ARL15: variants seen among roughly 807,000 people sequenced by gnomAD.
ARL15 encodes ARF like GTPase 15.
Under a neutral mutation model 25.2 loss-of-function variants are expected in ARL15, and 19 were observed. The ratio of observed to expected loss-of-function variants is 0.75; its 90% CI spans 0.53 to 1.10. The LOEUF (loss-of-function observed/expected upper bound fraction) is 1.10. ARL15 is among the 50% of genes least tolerant of loss of function. ARL15 has a pLI of 0.00. For missense variants in ARL15, 220 were observed against 246.0 expected (o/e 0.89, Z 0.71); for synonymous variants, 94 against 86.8 (o/e 1.08, Z -0.46).
intron 1 of ARL15, 52 bp downstream of exon 1, chr5:54,310,380 T>C: frequency 6.3e-7 from 1 of 1,578,788 alleles, no homozygotes; most frequent in South Asian, 1.2e-5. Context: ...CAGGGGGCCA[T>C]CGGGCACGCC....
intron 4 of ARL15, among the ~76,000 whole-genome samples, chr5:53,909,346 T>C (rs2111972088): frequency 6.6e-6 from 1 of 152,324 alleles, no homozygotes; most frequent in Non-Finnish European, 1.5e-5. Flanking sequence ...TCTTTATGTA[T>C]TTCTGAATAA....
At chr5:53,942,401 G>C (rs965848747) in intron 4 of ARL15, among the ~76,000 whole-genome samples, 7 of 152,154 alleles carry the variant, frequency 4.6e-5, no homozygotes, top group Non-Finnish European at 8.8e-5. Flanking sequence ...GCTTTGGCTA[G>C]AGATTTAAAT....
intron 4 of ARL15, among the ~76,000 whole-genome samples, chr5:53,961,612 C>T (rs1490886553): frequency 6.6e-6 from 1 of 151,822 alleles, no homozygotes; most frequent in African/African-American, 2.4e-5. Flanking sequence ...TACCTAATCC[C>T]ATCATCCAAA....
chr5:54,196,182 A>C (rs1206708351), intron 1 of ARL15, among the ~76,000 whole-genome samples: 1 of 152,160 alleles, frequency 6.6e-6, no homozygotes, highest in African/African-American at 2.4e-5. Context: ...TACCTTAAAG[A>C]GTATGTTTTA....
intron 2 of ARL15, among the ~76,000 whole-genome samples, chr5:54,171,025 C>T (rs1561251716): frequency 1.3e-5 from 2 of 152,180 alleles, no homozygotes; most frequent in South Asian, 2.1e-4. Flanking sequence ...CTCTTCTTTC[C>T]TTCTTCATTG....
intron 4 of ARL15, among the ~76,000 whole-genome samples, chr5:54,036,144 C>T (rs1030560772): frequency 2.7e-5 from 4 of 149,898 alleles, no homozygotes; most frequent in South Asian, 2.1e-4. Context: ...AGTGAGACCC[C>T]GCTTCGTAAA....
chr5:54,129,005 TACTATTTTGATTCTTAAATAAAA>T (rs916338269), intron 3 of ARL15, among the ~76,000 whole-genome samples: 4 of 152,150 alleles, frequency 2.6e-5, no homozygotes, highest in African/African-American at 7.2e-5. Context: ...CGCCTGGCCT[TACTATTTTGATTCTTAAATAAAA>T]ACTGGAAAAT....
chr5:54,178,980 G>C (rs911080894), intron 1 of ARL15, among the ~76,000 whole-genome samples: 2 of 152,152 alleles, frequency 1.3e-5, no homozygotes, highest in African/African-American at 4.8e-5. Context: ...AGATATAAGT[G>C]ACTTATGGGT....
intron 2 of ARL15, among the ~76,000 whole-genome samples, chr5:54,157,166 C>T (rs1262240772): frequency 6.6e-6 from 1 of 152,186 alleles, no homozygotes; most frequent in East Asian, 1.9e-4. Context: ...GGTTATGGAG[C>T]ACATCACCAA....
At chr5:54,163,061 G>C in intron 2 of ARL15, among the ~76,000 whole-genome samples, 1 of 152,078 alleles carries the variant, frequency 6.6e-6, no homozygotes, top group South Asian at 2.1e-4. Flanking sequence ...TTTAACAGTT[G>C]AGGTAATTCC....
chr5:53,986,092 C>T (rs1580143353), intron 4 of ARL15, among the ~76,000 whole-genome samples: 1 of 152,278 alleles, frequency 6.6e-6, no homozygotes, highest in East Asian at 1.9e-4. Flanking sequence ...TTTTTCCTCT[C>T]CTCTCATTTA....
intron 4 of ARL15, among the ~76,000 whole-genome samples, chr5:54,038,321 G>A (rs1461930727): frequency 6.6e-6 from 1 of 152,078 alleles, no homozygotes. Flanking sequence ...TTAGTACTTA[G>A]CAGTCTAGAC....
At chr5:54,246,570 C>T (rs918498834) in intron 1 of ARL15, among the ~76,000 whole-genome samples, 3 of 152,102 alleles carry the variant, frequency 2.0e-5, no homozygotes, top group Non-Finnish European at 2.9e-5. Flanking sequence ...CAGCCAGAGA[C>T]GGGGAATCTA....
rs969002279 is a variant in ARL15, at chr5:54,150,126, G to C, written c.253+4454C>G. On this transcript the variant is annotated intron_variant, in intron 3 of 4. Coordinates refer to ENST00000504924, the MANE Select transcript of ARL15 (RefSeq NM_019087.3). ...CTCTTACTTGGTTTATGCAGGAACA[G>C]TGCTTGTTTTGACACTATAACCACC... Among the ~76,000 whole-genome samples the C allele has an allele frequency of 3.3e-5, 5 of 152,218 alleles. No homozygotes were observed. The East Asian group carries it at 9.6e-4, about 29-fold the overall frequency.
intron 4 of ARL15, among the ~76,000 whole-genome samples, chr5:53,935,566 T>C (rs967606819): frequency 1.3e-5 from 2 of 152,130 alleles, no homozygotes; most frequent in Non-Finnish European, 2.9e-5. Flanking sequence ...GACAGTAAGC[T>C]CTCAAAGAGT....
chr5:53,955,819 C>T (rs1554029607), intron 4 of ARL15, among the ~76,000 whole-genome samples: 1 of 152,146 alleles, frequency 6.6e-6, no homozygotes, highest in Non-Finnish European at 1.5e-5. Flanking sequence ...ACCTTATTTA[C>T]AAAGAATTGT....
chr5:54,118,376 A>G (rs995948846), intron 3 of ARL15, among the ~76,000 whole-genome samples: 2 of 152,186 alleles, frequency 1.3e-5, no homozygotes, highest in Non-Finnish European at 2.9e-5. Flanking sequence ...CCAGATTAAA[A>G]AGATTTGCCA....
intron 4 of ARL15, among the ~76,000 whole-genome samples, chr5:54,062,410 A>G (rs1399681596): frequency 6.6e-6 from 1 of 150,950 alleles, no homozygotes; most frequent in East Asian, 2.0e-4. Context: ...TTGAATTCCC[A>G]TGTGTTGTGG....
chr5:54,132,712 T>C (rs1294073213), intron 3 of ARL15, among the ~76,000 whole-genome samples: 1 of 152,180 alleles, frequency 6.6e-6, no homozygotes, highest in East Asian at 1.9e-4. Context: ...TATTCATGCC[T>C]CCCCTTTTTA....
Sources: gnomAD v4.1 joint callset for allele counts (sites outside exome capture counted in the v4.1 genomes callset) on GRCh38, gnomAD v4.1.1 for gene constraint, MANE v1.5 for transcripts, NCBI Gene and HGNC (gene_info 2026-07-23, HGNC 2026-07-21) for gene names.